Variants in MED13 observed in about 807,000 individuals in gnomAD.
The protein encoded by MED13 is mediator of RNA polymerase II transcription subunit 13.
In MED13, 23 loss-of-function variants were observed where a neutral mutation model predicts 225.2. The ratio of observed to expected loss-of-function variants is 0.10; its 90% CI spans 0.07 to 0.14. The LOEUF (loss-of-function observed/expected upper bound fraction) is 0.14. MED13 is among the 10% of genes least tolerant of loss of function. The pLI is 1.00. For synonymous variants in MED13, 942 were observed against 889.2 expected, an observed-to-expected ratio of 1.06 and a Z score of -1.06; for missense variants, 2,197 against 2,594.5, an observed-to-expected ratio of 0.85 and a Z score of 3.33.
chr17:62,035,805 G>GA (rs2080797665), intron 3 of MED13, among the ~76,000 whole-genome samples, 197 bp from the exon 4 acceptor site: 1 of 152,074 alleles, frequency 6.6e-6, no homozygotes, highest in Non-Finnish European at 1.5e-5. Context: ...GTTTATAGTA[G>GA]GAAAGGCTGC....
intron 3 of MED13, 121 bp from the exon 4 acceptor site, chr17:62,035,729 A>G: frequency 2.3e-6 from 2 of 864,176 alleles, no homozygotes; most frequent in Non-Finnish European, 3.4e-6. Flanking sequence ...ATTCTACTTC[A>G]TCAGAAGAAA....
intron 9 of MED13, among the ~76,000 whole-genome samples, chr17:62,000,656 T>C (rs1403622709): frequency 1.3e-5 from 2 of 152,240 alleles, no homozygotes; most frequent in East Asian, 1.9e-4. Flanking sequence ...TATCAGCCTA[T>C]ACAGATTTCC....
intron 15 of MED13, 47 bp from the exon 16 acceptor site, chr17:61,983,161 CAT>C: frequency 7.1e-7 from 1 of 1,407,292 alleles, no homozygotes; most frequent in Non-Finnish European, 9.5e-7. Context: ...TATAAAGGAA[CAT>C]ATTAGTAATG....
chr17:61,965,167 A>G lies in MED13; in HGVS notation c.4683T>C (p.Phe1561=), dbSNP rs2080045167. The G allele has an allele frequency of 2.5e-6, 4 of 1,614,054 alleles. No homozygotes were observed. Among genetic ancestry groups the G allele is most frequent in the South Asian group, 1.1e-5 (1 of 91,088 alleles). Residue 1561 remains phenylalanine, a synonymous_variant, in exon 20 of 30, where the codon TTT becomes TTC. Transcript: ENST00000397786. ...SSNKLPSFPP[F]GSMNSNAAGS... ...CTGCAGCATTACTGTTCATACTGCC[A>G]AAGGGTGGAAACGAAGGTAGTTTAT...
At position 61,965,294 on chromosome 17, in the gene MED13, C is replaced by G; in HGVS notation, c.4556G>C (p.Gly1519Ala). ...GGCAACTGAAGTAGATATGGCAACA[C>G]CTGAAGTCACTGTCATAGTGCTGCT... is the stretch of plus-strand genomic sequence containing the variant. ...AASSTMTVTS[G>A]VAISTSVATA... is the part of the protein sequence containing the mutation. Residue 1519 changes from glycine (G) to alanine (A), a missense_variant, in exon 20 of 30, where the codon GGT becomes GCT. By Grantham distance (60) the Gly-to-Ala change is moderately conservative. This residue lies in a region of MED13 where 457 missense variants were observed against 442.2 expected (regional missense o/e 1.03). Transcript: ENST00000397786. 1 of 1,614,188 alleles carries G rather than the reference C, an allele frequency of 6.2e-7. No individual in the cohort carries two copies. The highest frequency in any genetic ancestry group is 1.3e-5 in the African/African-American group (1 of 75,042).
At chr17:61,984,948 T>C (rs549558116) in intron 13 of MED13, 52 bp downstream of exon 13, 15 of 1,600,372 alleles carry the variant, frequency 9.4e-6, no homozygotes, top group African/African-American at 4.0e-5. Flanking sequence ...GGGAGCTTTG[T>C]TGAGATTAAA....
intron 26 of MED13, among the ~76,000 whole-genome samples, chr17:61,953,768 C>G (rs954630033): frequency 2.6e-5 from 4 of 152,164 alleles, no homozygotes; most frequent in Non-Finnish European, 5.9e-5. Flanking sequence ...CAATAGGAAA[C>G]TAATACAAAG....
At position 62,018,644 on chromosome 17, in the gene MED13, G is replaced by A. The variant is rs564641036; in HGVS notation, c.1284-7411C>T. On this transcript the variant is annotated intron_variant, in intron 8 of 29. Transcript: ENST00000397786. ...CACGAAAATCGCTCGAGCCAGGGAG[G>A]GGCAGGTTGCAGTAAGCCAAGATGA... 3.9e-5 allele frequency among the ~76,000 whole-genome samples: 6 copies of A among 152,188 alleles called. No individual in the cohort carries two copies. The South Asian group carries it at 1.2e-3, about 32-fold the overall frequency.
intron 28 of MED13, among the ~76,000 whole-genome samples, chr17:61,948,916 C>T (rs1044002878): frequency 2.0e-5 from 3 of 151,128 alleles, no homozygotes; most frequent in Non-Finnish European, 3.0e-5. Flanking sequence ...GAAACCCCAT[C>T]TCTACTAAAA....
At chr17:61,953,922 GT>G (rs1011737823) in intron 26 of MED13, among the ~76,000 whole-genome samples, 137 of 152,256 alleles carry the variant, frequency 9.0e-4, no homozygotes, top group African/African-American at 3.1e-3. Context: ...CTATATACTG[GT>G]TTTTCCTTTA....
intron 23 of MED13, among the ~76,000 whole-genome samples, chr17:61,960,652 T>A (rs1253185402): frequency 1.3e-5 from 2 of 152,150 alleles, no homozygotes; most frequent in Admixed American, 6.5e-5. Context: ...GACCTTAATC[T>A]TTTTTGTTCA....
At chr17:62,015,938 ATATATATATATATATATTTTTTTTTTTTT>A (rs2080569009) in intron 8 of MED13, among the ~76,000 whole-genome samples, 4 of 9,012 alleles carry the variant, frequency 4.4e-4, no homozygotes, top group South Asian at 4.5e-3. Flanking sequence ...ATATATATAT[ATATATATATATATATATTTTTTTTTTTTT>A]TTTTTTTTTT....
intron 16 of MED13, among the ~76,000 whole-genome samples, chr17:61,980,538 T>C (rs965560364): frequency 6.6e-5 from 10 of 152,224 alleles, no homozygotes; most frequent in Non-Finnish European, 1.3e-4. Context: ...CTCAAGCTAT[T>C]ATTGATGCCT....
intron 8 of MED13, among the ~76,000 whole-genome samples, chr17:62,013,620 A>G (rs780288914): frequency 3.3e-5 from 5 of 151,480 alleles, no homozygotes; most frequent in Non-Finnish European, 5.9e-5. Flanking sequence ...GAACAAAGCA[A>G]GAATATTAGC....
At position 62,054,027 on chromosome 17, in the gene MED13, C is replaced by T. The variant is rs528052268; in HGVS notation, c.302-1322G>A. Among the ~76,000 whole-genome samples the T allele has an allele frequency of 2.6e-5, 4 of 152,104 alleles. No homozygotes were observed. In the East Asian group the frequency reaches 7.7e-4, roughly 29 times the overall value. On this transcript the variant is annotated intron_variant, in intron 2 of 29. Coordinates refer to ENST00000397786, the MANE Select transcript of MED13 (RefSeq NM_005121.3). ...AATTTTATTTTAAATAAGCTTTAGG[C>T]TGGGCGCAGTTACTCACGCCTGTAA...
rs547292069 is a variant in MED13 at position 61,972,663 on chromosome 17, T to C, written c.3967+64A>G. 3 of 1,374,278 alleles carry C rather than the reference T, an allele frequency of 2.2e-6. No homozygotes were observed. The African/African-American group carries it at 4.3e-5, about 20-fold the overall frequency. 85.1% of individuals were successfully genotyped at this position (1,374,278 alleles called of 1,614,324 possible). ...AAGAAAACTAATGTGCTTATTCTAG[T>C]TGGGCACAGAAATCTGAGGACTGAT... On this transcript the variant is annotated intron_variant, in intron 17 of 29. Coordinates refer to ENST00000397786, the MANE Select transcript of MED13 (RefSeq NM_005121.3).
chr17:61,993,069 G>A (rs1446134162), intron 10 of MED13, among the ~76,000 whole-genome samples: 4 of 151,700 alleles, frequency 2.6e-5, no homozygotes, highest in African/African-American at 7.3e-5. Flanking sequence ...CTGGCCTGTG[G>A]TATGTTTATC....
intron 8 of MED13, among the ~76,000 whole-genome samples, chr17:62,012,334 T>G (rs1334495010): frequency 1.3e-5 from 2 of 150,194 alleles, no homozygotes; most frequent in Non-Finnish European, 3.0e-5. Context: ...AAACTTTTTT[T>G]TTTTTTTTTT....
At chr17:62,048,493 G>A (rs1196101733) in intron 3 of MED13, among the ~76,000 whole-genome samples, 2 of 151,460 alleles carry the variant, frequency 1.3e-5, no homozygotes, top group African/African-American at 4.9e-5. Flanking sequence ...TTCCAGATCA[G>A]TGAAAAACTT....
Sources: gnomAD v4.1 joint callset for allele counts (sites outside exome capture counted in the v4.1 genomes callset) on GRCh38, gnomAD v4.1.1 for gene constraint, gnomAD v4.1.1 regional missense constraint, MANE v1.5 for transcripts, NCBI Gene and HGNC (gene_info 2026-07-23, HGNC 2026-07-21) for gene names.